The following EIF4A3 variants were observed in gnomAD, a reference collection of about 807,000 sequenced individuals.
The protein encoded by EIF4A3 is eukaryotic translation initiation factor 4A3, also known as eukaryotic initiation factor 4A-III.
Under a neutral mutation model 55.6 loss-of-function variants are expected in EIF4A3, and 1 was observed. The observed-to-expected ratio is 0.02, with a 90% CI of 0.01 to 0.09. The LOEUF is 0.09. Ranked by LOEUF, EIF4A3 falls within the 10% of genes least tolerant of loss-of-function variation. The pLI is 1.00. For synonymous variants in EIF4A3, 194 were observed against 196.3 expected (o/e 0.99, Z 0.10); for missense variants, 221 against 540.7 (o/e 0.41, Z 5.86).
chr17:80,141,565 C>T, intron 3 of EIF4A3, 184 bp from the exon 4 acceptor site: 2 of 755,524 alleles, frequency 2.6e-6, no homozygotes, highest in South Asian at 3.7e-5. Flanking sequence ...TGTCAGCATC[C>T]TCGTCTGCAG....
intron 4 of EIF4A3, 93 bp downstream of exon 4, chr17:80,141,226 C>T (rs949143656): frequency 9.8e-6 from 13 of 1,320,096 alleles, no homozygotes; most frequent in Non-Finnish European, 1.3e-5. Context: ...TATCAGAAAA[C>T]AGGATTGGAT....
intron 2 of EIF4A3, among the ~76,000 whole-genome samples, chr17:80,142,989 C>A (rs147281934): frequency 4.9e-4 from 75 of 152,276 alleles, no homozygotes; most frequent in Non-Finnish European, 7.1e-4. Context: ...CACACGACTG[C>A]ACTCCAGTCT....
In EIF4A3 at chr17:80,135,427, A is replaced by C. The variant is rs1188697524; in HGVS notation, c.*63T>G. The stretch of plus-strand genomic sequence containing the variant: ...CCCCATTAAGTAGAATCTGGATCTA[A>C]ATACTTCCAAACAGGAGTACACAGC... On this transcript the variant is annotated 3_prime_UTR_variant, in exon 12 of 12. Transcript: ENST00000649764. 3 of 1,519,702 alleles carry C rather than the reference A, an allele frequency of 2.0e-6. No homozygotes were observed. The highest frequency in any genetic ancestry group is 2.8e-5 in the African/African-American group (2 of 71,202). 94.1% of individuals were successfully genotyped at this position (1,519,702 alleles called of 1,614,324 possible).
rs1182545987 is a variant in EIF4A3, at chr17:80,134,395, ATAATT to A, written c.*1090_*1094del. The stretch of plus-strand genomic sequence containing the variant: ...TTCAACAGATAACTTAAATACTTTA[ATAATT>A]TAAATATTTAAACAGATAATTATCT... On this transcript the variant is annotated 3_prime_UTR_variant, in exon 12 of 12. Transcript: ENST00000649764. 6.6e-6 allele frequency among the ~76,000 whole-genome samples: 1 copy of A among 152,226 alleles called. No homozygotes were observed. The highest frequency in any genetic ancestry group is 2.4e-5 in the African/African-American group (1 of 41,460).
At chr17:80,141,482 T>C in intron 3 of EIF4A3, 101 bp from the exon 4 acceptor site, 1 of 1,171,586 alleles carries the variant, frequency 8.5e-7, no homozygotes, top group Non-Finnish European at 1.2e-6. Flanking sequence ...TATCTCATAT[T>C]AATCATACTT....
chr17:80,141,961 G>A (rs908407874), intron 2 of EIF4A3, 113 bp from the exon 3 acceptor site: 9 of 767,482 alleles, frequency 1.2e-5, no homozygotes, highest in South Asian at 4.8e-5. Flanking sequence ...GCAAGCCCCC[G>A]TACCTAATAA....
chr17:80,140,988 G>C (rs905012589), intron 4 of EIF4A3, among the ~76,000 whole-genome samples: 15 of 152,002 alleles, frequency 9.9e-5, no homozygotes, highest in African/African-American at 3.6e-4. Context: ...GTAGAGACAG[G>C]GTTTCACTAT....
Position 80,139,919 on chromosome 17 carries a change from GCCTACCAAATCGAAAGCTGT to G in EIF4A3, c.505+69_505+88del. On this transcript the variant is annotated intron_variant, in intron 5 of 11. Transcript: ENST00000649764. Reference sequence around the variant, plus strand: ...CCCAGGTGCAAAAGTCTACCGTGCGGCCTACCAAATCGAAAGCTGTCCTGTACCATTTAAGCACTTCTTAC... The same window carrying G: ...CCCAGGTGCAAAAGTCTACCGTGCGGCCTGTACCATTTAAGCACTTCTTAC... The G allele has an allele frequency of 6.4e-6, 10 of 1,551,738 alleles. 1 individual carries two copies. Among genetic ancestry groups the G allele is most frequent in the South Asian group, 4.9e-5 (4 of 82,330 alleles).
chr17:80,135,994 G>C lies in EIF4A3; in HGVS notation c.1219+10C>G. 3 of 1,613,200 alleles carry C rather than the reference G, an allele frequency of 1.9e-6. No homozygotes were observed. Among genetic ancestry groups the C allele is most frequent in the East Asian group, 2.2e-5 (1 of 44,880 alleles). ...CTCTACAATTACAGTAGAGCTGGAC[G>C]ATTTCCTACCGTTCATCGGCATCTC... On this transcript the variant is annotated intron_variant, in intron 11 of 11. Transcript: ENST00000649764.
chr17:80,135,168 GAAAAGAAA>G lies in EIF4A3; in HGVS notation c.*314_*321del, dbSNP rs1256380586. 7.7e-6 allele frequency: 2 copies of G among 258,212 alleles called. No homozygotes were observed. The highest frequency in any genetic ancestry group is 1.3e-4 in the East Asian group (2 of 15,026). 16.0% of individuals were successfully genotyped at this position (258,212 alleles called of 1,614,324 possible). On this transcript the variant is annotated 3_prime_UTR_variant, in exon 12 of 12. Coordinates refer to ENST00000649764, the MANE Select transcript of EIF4A3 (RefSeq NM_014740.4). ...CTGTCTCAAAAAAAAAAAAGAAAAA[GAAAAGAAA>G]AAAAGAAAAGTGAGTGAAATGACCC...
rs140129617 is a variant in EIF4A3, at chr17:80,137,163, A to G, written c.983+223T>C. On this transcript the variant is annotated intron_variant, in intron 9 of 11. Coordinates refer to ENST00000649764, the MANE Select transcript of EIF4A3 (RefSeq NM_014740.4). ...CACACGCTTGTAACCAAGGTGACCA[A>G]CCTGGCTAGTTAAGGCTAGTTATCA... 435 of 398,778 alleles carry G rather than the reference A, an allele frequency of 1.1e-3. 2 individuals carry two copies. Among genetic ancestry groups the G allele is most frequent in the African/African-American group, 7.9e-3 (382 of 48,592 alleles). The allele number at this position is 398,778 out of a possible 1,614,324, so 24.7% of individuals were successfully genotyped here.
intron 5 of EIF4A3, 121 bp downstream of exon 5, chr17:80,139,887 C>T: frequency 6.6e-7 from 1 of 1,515,602 alleles, no homozygotes; most frequent in Non-Finnish European, 8.9e-7. Flanking sequence ...CTACCTCCTG[C>T]AAGTGACCCA....
chr17:80,137,831 C>T (rs1271553197), intron 8 of EIF4A3, among the ~76,000 whole-genome samples: 1 of 152,118 alleles, frequency 6.6e-6, no homozygotes, highest in African/African-American at 2.4e-5. Flanking sequence ...GCCGACAGTT[C>T]TCAGGTCTGC....
At chr17:80,138,969 C>T in intron 7 of EIF4A3, 52 bp downstream of exon 7, 6 of 1,596,386 alleles carry the variant, frequency 3.8e-6, no homozygotes, top group Non-Finnish European at 5.1e-6. Context: ...ACATAAAATC[C>T]TTTATAAATG....
At chr17:80,141,172 TA>T in intron 4 of EIF4A3, 146 bp downstream of exon 4, 1 of 771,616 alleles carries the variant, frequency 1.3e-6, no homozygotes, top group Non-Finnish European at 2.0e-6. Context: ...GCAATTTATA[TA>T]ATGATTAATG....
chr17:80,136,220 C>T lies in EIF4A3; in HGVS notation c.1091+8G>A, dbSNP rs775465602. 1 of 1,613,216 alleles carries T rather than the reference C, an allele frequency of 6.2e-7. No homozygotes were observed. The highest frequency in any genetic ancestry group is 1.1e-5 in the South Asian group (1 of 91,018). On this transcript the variant is annotated splice_region_variant and intron_variant, in intron 10 of 11. Transcript: ENST00000649764. ...CAGAAGTGAAGCCAATGAGAGCTTG[C>T]ACCTTACCTGTGTATGTACAATTCT...
intron 4 of EIF4A3, 147 bp downstream of exon 4, chr17:80,141,172 T>C: frequency 1.3e-6 from 1 of 771,616 alleles, no homozygotes; most frequent in Non-Finnish European, 2.0e-6. Context: ...GCAATTTATA[T>C]AATGATTAAT....
intron 11 of EIF4A3, 94 bp from the exon 12 acceptor site, chr17:80,135,600 C>CAAAAA: frequency 1.7e-6 from 2 of 1,198,554 alleles, no homozygotes; most frequent in Admixed American, 2.3e-5. Context: ...ACAGACTTCT[C>CAAAAA]AAAACAAAAA....
rs1316545673 is a variant in EIF4A3, at chr17:80,136,269, A to T, written c.1050T>A (p.Ile350=). The stretch of plus-strand genomic sequence containing the variant: ...CTCTGTTATTAGGGAGATCATAGTT[A>T]ATGATGAGGGACACCTGAGGGACAT... ...GLDVPQVSLI[I]NYDLPNNREL... The change falls in exon 10 of 12, where the codon ATT becomes ATA. Residue 350 remains isoleucine (I), a synonymous_variant. Coordinates refer to ENST00000649764, the MANE Select transcript of EIF4A3 (RefSeq NM_014740.4). The T allele has an allele frequency of 1.9e-6, 3 of 1,614,050 alleles. No homozygotes were observed. The highest frequency in any genetic ancestry group is 2.5e-6 in the Non-Finnish European group (3 of 1,180,006).
Sources: gnomAD v4.1 joint callset for allele counts (sites outside exome capture counted in the v4.1 genomes callset) on GRCh38, gnomAD v4.1.1 for gene constraint, MANE v1.5 for transcripts, NCBI Gene and HGNC (gene_info 2026-07-23, HGNC 2026-07-21) for gene names.